KCNQ1: variants seen among roughly 807,000 people sequenced by gnomAD.
KCNQ1 encodes potassium voltage-gated channel subfamily Q member 1.
In KCNQ1, 49 loss-of-function variants were observed where a neutral mutation model predicts 72.4. The ratio of observed to expected loss-of-function variants is 0.68; its 90% CI spans 0.54 to 0.86. The LOEUF (loss-of-function observed/expected upper bound fraction) is 0.86. KCNQ1 is among the 40% of genes least tolerant of loss of function. KCNQ1 has a pLI of 0.00. For synonymous variants in KCNQ1, 450 were observed against 412.6 expected (o/e 1.09, Z -1.10); for missense variants, 790 against 945.1 (o/e 0.84, Z 2.15).
intron 10 of KCNQ1, chr11:2,619,182 G>A (rs556771548): frequency 3.1e-4 from 124 of 398,396 alleles, no homozygotes; most frequent in Non-Finnish European, 5.0e-4. Flanking sequence ...TTTCTTGTCT[G>A]TTTGGTTGTA....
chr11:2,561,978 C>T (rs1047040880), intron 2 of KCNQ1, among the ~76,000 whole-genome samples: 196 of 152,298 alleles, frequency 1.3e-3, no homozygotes, highest in African/African-American at 4.4e-3. Context: ...ACTAAGGCTG[C>T]CTCAGGGTGG....
In KCNQ1 at chr11:2,648,981, CTTTTTTTT is replaced by C; in HGVS notation, c.1394-12964_1394-12957del. On this transcript the variant is annotated intron_variant, in intron 10 of 15. Coordinates refer to ENST00000155840, the MANE Select transcript of KCNQ1 (RefSeq NM_000218.3). The stretch of plus-strand genomic sequence containing the variant: ...CCTCCTTTGTCTCTTTTTTCTTTTT[CTTTTTTTT>C]TTTTTTTTTTTTTTTGACTCAGTAT... 79 of 313,556 alleles carry C rather than the reference CTTTTTTTT, an allele frequency of 2.5e-4. No individual in the cohort carries two copies. In the South Asian group the frequency reaches 0.01, roughly 40 times the overall value. 19.4% of individuals were successfully genotyped at this position (313,556 alleles called of 1,614,324 possible).
In KCNQ1 at chr11:2,601,076, G is replaced by C. The variant is rs1301774298; in HGVS notation, c.1393+12222G>C. Among the ~76,000 whole-genome samples, 1 of 145,482 alleles carries C rather than the reference G, an allele frequency of 6.9e-6. No individual in the cohort carries two copies. Among genetic ancestry groups the C allele is most frequent in the African/African-American group, 2.7e-5 (1 of 37,254 alleles). Reference sequence around the variant, plus strand: ...TTCTTTAAGGCCATGCATATACCCTGCTACTTGTTAAAAAAAAAAAAAAAG... The same window carrying C: ...TTCTTTAAGGCCATGCATATACCCTCCTACTTGTTAAAAAAAAAAAAAAAG... On this transcript the variant is annotated intron_variant, in intron 10 of 15. Coordinates refer to ENST00000155840, the MANE Select transcript of KCNQ1 (RefSeq NM_000218.3). This position sits in a 1 kb window ranked among gnomAD's most constrained non-coding sequence, Gnocchi z 5.2.
rs1225857822 is a variant in KCNQ1, at chr11:2,471,900, GTA to G, written c.386+26418_386+26419del. The stretch of plus-strand genomic sequence containing the variant: ...TGTGTGCACATGTGTATAGGTGTGT[GTA>G]TGCGTGCACCTATGTGTGTATAGGC... On this transcript the variant is annotated intron_variant, in intron 1 of 15. Coordinates refer to ENST00000155840, the MANE Select transcript of KCNQ1 (RefSeq NM_000218.3). This position sits in a 1 kb window ranked among gnomAD's most constrained non-coding sequence, Gnocchi z 4.8. Among the ~76,000 whole-genome samples the G allele has an allele frequency of 6.6e-6, 1 of 151,912 alleles. No individual in the cohort carries two copies. The highest frequency in any genetic ancestry group is 1.5e-5 in the Non-Finnish European group (1 of 67,956).
Position 2,787,142 on chromosome 11 carries a change from G to A in KCNQ1, c.1794+9105G>A, listed in dbSNP as rs1190170239. Among the ~76,000 whole-genome samples the A allele has an allele frequency of 6.6e-6, 1 of 152,090 alleles. No homozygotes were observed. Among genetic ancestry groups the A allele is most frequent in the African/African-American group, 2.4e-5 (1 of 41,416 alleles). On this transcript the variant is annotated intron_variant, in intron 15 of 15. Transcript: ENST00000155840. This position sits in a 1 kb window ranked among gnomAD's most constrained non-coding sequence, Gnocchi z 6.3. ...GTTTTCTAGGCCACTTAGGTAGTATGAATTCAAGCCTCCAAGCTGAGCATG... is the reference window on the plus strand; with the variant it reads ...GTTTTCTAGGCCACTTAGGTAGTATAAATTCAAGCCTCCAAGCTGAGCATG...
At chr11:2,466,212 GC>G (rs1034542764) in intron 1 of KCNQ1, among the ~76,000 whole-genome samples, 1 of 152,156 alleles carries the variant, frequency 6.6e-6, no homozygotes, top group Non-Finnish European at 1.5e-5. Context: ...TGGCCCAGCT[GC>G]CCCATTTTGT....
intron 1 of KCNQ1, among the ~76,000 whole-genome samples, chr11:2,459,530 C>T (rs1846243648): frequency 6.6e-6 from 1 of 152,044 alleles, no homozygotes; most frequent in Non-Finnish European, 1.5e-5. Context: ...CAGTCTGTAG[C>T]TCCCTCTGTG....
rs369043332 is a variant in KCNQ1 at position 2,626,773 on chromosome 11, C to T, written c.1394-35188C>T. The T allele has an allele frequency of 2.5e-6, 1 of 398,414 alleles. No individual in the cohort carries two copies. The highest frequency in any genetic ancestry group is 2.1e-5 in the African/African-American group (1 of 48,604). The allele number at this position is 398,414 out of a possible 1,614,324, so 24.7% of individuals were successfully genotyped here. A position where few individuals can be genotyped will look rare whatever the true frequency, so the allele number is the denominator to read the frequency against. ...CAAACTCCTGGACTCAGAAGTCCTC[C>T]CACCTCAGCCTTCAAAAGTGCTGAG... is the stretch of plus-strand genomic sequence containing the variant. On this transcript the variant is annotated intron_variant, in intron 10 of 15. Transcript: ENST00000155840. The surrounding 1 kb of genome is among the most constrained non-coding windows in gnomAD (Gnocchi z 4.0).
At position 2,687,855 on chromosome 11, in the gene KCNQ1, G is replaced by T. The variant is rs1023491963; in HGVS notation, c.1514+25774G>T. 7.5e-6 allele frequency: 3 copies of T among 398,638 alleles called. No homozygotes were observed. The highest frequency in any genetic ancestry group is 4.1e-5 in the African/African-American group (2 of 48,648). The allele number at this position is 398,638 out of a possible 1,614,324, so 24.7% of individuals were successfully genotyped here. On this transcript the variant is annotated intron_variant, in intron 11 of 15. Coordinates refer to ENST00000155840, the MANE Select transcript of KCNQ1 (RefSeq NM_000218.3). This position sits in a 1 kb window ranked among gnomAD's most constrained non-coding sequence, Gnocchi z 5.0. ...CAGGCCAAACTCTGGTTCCTGAGGA[G>T]CCTCAAAGGCTGGACTTGGGGTGTC... is the stretch of plus-strand genomic sequence containing the variant.
In KCNQ1 at chr11:2,459,291, G is replaced by A. The variant is rs1846240504; in HGVS notation, c.386+13807G>A. 1.3e-5 allele frequency among the ~76,000 whole-genome samples: 2 copies of A among 152,196 alleles called. 1 individual carries two copies. The highest frequency in any genetic ancestry group is 4.8e-5 in the African/African-American group (2 of 41,454). ...GGGCGTGGTGTCCAGGGACTGTGTGGCCTGCCTGGAGCTGGGCAGAGACAA... is the reference window on the plus strand; with the variant it reads ...GGGCGTGGTGTCCAGGGACTGTGTGACCTGCCTGGAGCTGGGCAGAGACAA... On this transcript the variant is annotated intron_variant, in intron 1 of 15. Coordinates refer to ENST00000155840, the MANE Select transcript of KCNQ1 (RefSeq NM_000218.3).
chr11:2,528,120 G>C (rs1847543877), intron 2 of KCNQ1, 102 bp downstream of exon 2: 4 of 1,003,074 alleles, frequency 4.0e-6, no homozygotes, highest in Admixed American at 3.5e-5. Context: ...GCCACTCCCA[G>C]CCCCTTGCCC....
At chr11:2,701,118 C>T (rs554169335) in intron 11 of KCNQ1, among the ~76,000 whole-genome samples, 1 of 152,234 alleles carries the variant, frequency 6.6e-6, no homozygotes, top group Admixed American at 6.5e-5. Flanking sequence ...GCCGTCCCCC[C>T]ACCAAGGCAC....
chr11:2,558,343 G>A (rs1848102762), intron 2 of KCNQ1, among the ~76,000 whole-genome samples: 1 of 152,270 alleles, frequency 6.6e-6, no homozygotes, highest in South Asian at 2.1e-4. Context: ...CACTGTGTAA[G>A]CATACGTGTT....
rs145291627 is a variant in KCNQ1, at chr11:2,745,754, C to T, written c.1515-23090C>T. On this transcript the variant is annotated intron_variant, in intron 11 of 15. Transcript: ENST00000155840. This position sits in a 1 kb window ranked among gnomAD's most constrained non-coding sequence, Gnocchi z 6.2. ...GACGGTTCCTTGTCTGCTCACTAAG[C>T]GTGCCTTGGAGAAGGCCGCTCAGCG... Among the ~76,000 whole-genome samples the T allele has an allele frequency of 2.8e-3, 429 of 152,346 alleles. 3 individuals carry two copies. The highest frequency in any genetic ancestry group is 9.9e-3 in the African/African-American group (411 of 41,590).
chr11:2,709,814 T>A (rs1287464644), intron 11 of KCNQ1, among the ~76,000 whole-genome samples: 1 of 152,382 alleles, frequency 6.6e-6, no homozygotes, highest in Non-Finnish European at 1.5e-5. Context: ...CATGTATCAG[T>A]GTTTCATTCC....
chr11:2,761,622 C>T lies in KCNQ1; in HGVS notation c.1515-7222C>T, dbSNP rs544175849. 2.0e-5 allele frequency among the ~76,000 whole-genome samples: 3 copies of T among 152,348 alleles called. 1 individual carries two copies. The South Asian group carries it at 6.2e-4, about 32-fold the overall frequency. On this transcript the variant is annotated intron_variant, in intron 11 of 15. Transcript: ENST00000155840. ...ACTACCAGGAAAGGCCACTTGGCCC[C>T]ATCCCAGGCCTCGCCCAAGACAGAG...
chr11:2,559,123 G>A lies in KCNQ1; in HGVS notation c.478-11505G>A, dbSNP rs1327508880. 1.3e-5 allele frequency among the ~76,000 whole-genome samples: 2 copies of A among 152,062 alleles called. No individual in the cohort carries two copies. Among genetic ancestry groups the A allele is most frequent in the Admixed American group, 6.6e-5 (1 of 15,262 alleles). The stretch of plus-strand genomic sequence containing the variant: ...GGGTCACTTGAGCCTTGGCCTGCAG[G>A]GAGGTTTTGCTCAAGGAGTGTCCCT... On this transcript the variant is annotated intron_variant, in intron 2 of 15. Coordinates refer to ENST00000155840, the MANE Select transcript of KCNQ1 (RefSeq NM_000218.3). This position sits in a 1 kb window ranked among gnomAD's most constrained non-coding sequence, Gnocchi z 4.9.
rs566334876 is a variant in KCNQ1 at position 2,734,581 on chromosome 11, G to A, written c.1515-34263G>A. ...AGGCTGATCTCAGGATGCTTGCTGC[G>A]GCTGCTGGGTGGGGGATAACAGGGG... On this transcript the variant is annotated intron_variant, in intron 11 of 15. Coordinates refer to ENST00000155840, the MANE Select transcript of KCNQ1 (RefSeq NM_000218.3). The surrounding 1 kb of genome is among the most constrained non-coding windows in gnomAD (Gnocchi z 7.0). 1.8e-4 allele frequency among the ~76,000 whole-genome samples: 27 copies of A among 152,186 alleles called. No individual in the cohort carries two copies. The highest frequency in any genetic ancestry group is 5.5e-4 in the African/African-American group (23 of 41,520).
rs1434715878 is a variant in KCNQ1, at chr11:2,475,278, G to A, written c.386+29794G>A. Among the ~76,000 whole-genome samples, 1 of 152,092 alleles carries A rather than the reference G, an allele frequency of 6.6e-6. No individual in the cohort carries two copies. Among genetic ancestry groups the A allele is most frequent in the Non-Finnish European group, 1.5e-5 (1 of 68,030 alleles). ...TCTGGTTTCCTTCACCGAGCGTCCT[G>A]TCTTCACTGTCCGCCGTGTTATAAC... On this transcript the variant is annotated intron_variant, in intron 1 of 15. Coordinates refer to ENST00000155840, the MANE Select transcript of KCNQ1 (RefSeq NM_000218.3). This position sits in a 1 kb window ranked among gnomAD's most constrained non-coding sequence, Gnocchi z 5.8.
Sources: allele counts gnomAD v4.1 joint callset (sites outside exome capture counted in the v4.1 genomes callset), GRCh38; gene constraint gnomAD v4.1.1; non-coding constraint Gnocchi (gnomAD v3.1); transcripts MANE v1.5; gene names NCBI Gene and HGNC (gene_info 2026-07-23, HGNC 2026-07-21).